Variants in PLCD1 observed in about 807,000 individuals in gnomAD.
PLCD1 encodes the protein phospholipase C delta 1, also known as 1-phosphatidylinositol 4,5-bisphosphate phosphodiesterase delta-1.
A neutral mutation model predicts 87.4 loss-of-function variants in PLCD1; 71 were observed. The observed-to-expected ratio is 0.81, with a 90% CI of 0.67 to 0.99. The LOEUF (loss-of-function observed/expected upper bound fraction) is 0.99. Among genes scored for constraint, PLCD1 ranks in the 50% least tolerant of loss-of-function variants. The pLI is 0.00. For synonymous variants in PLCD1, 348 were observed against 399.2 expected (o/e 0.87, Z 1.53); for missense variants, 867 against 1,001.5 (o/e 0.87, Z 1.81).
In PLCD1 at chr3:38,011,385, T is replaced by A; in HGVS notation, c.619A>T (p.Met207Leu). The change falls in exon 5 of 15, where the codon ATG (methionine) becomes TTG (leucine). Residue 207 changes from methionine to leucine, a missense_variant. Transcript: ENST00000334661. ...TCGATCTCCACCCGCTGGGTCAGCATCTTGTAGAAGGCCTCAATCTCCTCG... is the reference window on the plus strand; with the variant it reads ...TCGATCTCCACCCGCTGGGTCAGCAACTTGTAGAAGGCCTCAATCTCCTCG... ...EDEEIEAFYK[M>L]LTQRVEIDRT... The A allele has an allele frequency of 1.9e-6, 3 of 1,613,688 alleles. No individual in the cohort carries two copies. The highest frequency in any genetic ancestry group is 2.5e-6 in the Non-Finnish European group (3 of 1,180,040).
chr3:38,021,665 C>T (rs1559377356), intron 1 of PLCD1, among the ~76,000 whole-genome samples: 1 of 152,202 alleles, frequency 6.6e-6, no homozygotes, highest in Non-Finnish European at 1.5e-5. Flanking sequence ...CTATTGAGAG[C>T]CAATCGGCCA....
chr3:38,016,802 A>G, intron 2 of PLCD1, 83 bp from the exon 3 acceptor site: 1 of 967,112 alleles, frequency 1.0e-6, no homozygotes, highest in South Asian at 1.4e-5. Context: ...AGGCCACAGT[A>G]GAGAGGGGCA....
Position 38,020,049 on chromosome 3 carries a change from A to G in PLCD1, c.199+139T>C, listed in dbSNP as rs2073399. The G allele has an allele frequency of 0.71, 564,852 of 791,326 alleles. 204,339 individuals are homozygous for G. The highest frequency in any genetic ancestry group is 0.91 in the African/African-American group (54,306 of 59,414). The allele number at this position is 791,326 out of a possible 1,614,324, so 49.0% of individuals were successfully genotyped here. ...AGTTTCCCCACTGCCAGCCCAGGTTATATAAATGACCTATGCCCCACCAGG... is the reference window on the plus strand; with the variant it reads ...AGTTTCCCCACTGCCAGCCCAGGTTGTATAAATGACCTATGCCCCACCAGG... On this transcript the variant is annotated intron_variant, in intron 2 of 14. Coordinates refer to ENST00000334661, the MANE Select transcript of PLCD1 (RefSeq NM_006225.4).
chr3:38,017,561 AC>A lies in PLCD1; in HGVS notation c.200-843del, dbSNP rs1700177116. ...TTCAGGGAGATGCCAGGCCCTGTCT[AC>A]CCCCGCTTCCAATGTGCCCTCCATG... On this transcript the variant is annotated intron_variant, in intron 2 of 14. Coordinates refer to ENST00000334661, the MANE Select transcript of PLCD1 (RefSeq NM_006225.4). The surrounding 1 kb of genome is among the most constrained non-coding windows in gnomAD (Gnocchi z 4.7). Among the ~76,000 whole-genome samples the A allele has an allele frequency of 6.6e-6, 1 of 151,844 alleles. No homozygotes were observed. The highest frequency in any genetic ancestry group is 6.6e-5 in the Admixed American group (1 of 15,258).
chr3:38,009,820 G>T lies in PLCD1; in HGVS notation c.1288-9C>A. 1 of 1,613,796 alleles carries T rather than the reference G, an allele frequency of 6.2e-7. No individual in the cohort carries two copies. The highest frequency in any genetic ancestry group is 8.5e-7 in the Non-Finnish European group (1 of 1,179,988). On this transcript the variant is annotated splice_polypyrimidine_tract_variant and intron_variant, in intron 8 of 14. Transcript: ENST00000334661. ...ATCTTCCCCTTCAGTTGCTAGGTGG[G>T]GAGGGGCAACTGGTCAAGACACACC...
At chr3:38,014,774 C>T (rs1700130555) in intron 3 of PLCD1, 1 of 152,080 alleles carries the variant, frequency 6.6e-6, no homozygotes, top group African/African-American at 2.4e-5. Flanking sequence ...AGAGCTCTTA[C>T]AACTCAATAA....
In PLCD1 at chr3:38,008,589, C is replaced by T. The variant is rs1303222875; in HGVS notation, c.1771G>A (p.Gly591Ser). Residue 591 changes from glycine (G) to serine (S), a missense_variant, in exon 12 of 15, where the codon GGC becomes AGC. Coordinates refer to ENST00000334661, the MANE Select transcript of PLCD1 (RefSeq NM_006225.4). ...TPGPEMDVYQ[G>S]RFQDNGACGY... ...CAGGCCCCGTTGTCCTGGAAGCGGC[C>T]CTGGTACACGTCCATCTCTGGCCCA... is the stretch of plus-strand genomic sequence containing the variant. The T allele has an allele frequency of 4.3e-6, 7 of 1,614,186 alleles. No homozygotes were observed. Among genetic ancestry groups the T allele is most frequent in the Non-Finnish European group, 5.1e-6 (6 of 1,180,016 alleles).
intron 1 of PLCD1, among the ~76,000 whole-genome samples, chr3:38,021,553 G>GACCCCA (rs1339371688): frequency 4.6e-5 from 7 of 152,202 alleles, no homozygotes; most frequent in African/African-American, 1.7e-4. Context: ...TGATAAAAGT[G>GACCCCA]ACCCCAACCC....
In PLCD1 at chr3:38,008,153, T is replaced by C. The variant is rs1258871023; in HGVS notation, c.2046A>G (p.Pro682=). The part of the protein sequence containing the change: ...TAVITNNGFN[P]WWDTEFAFEV... ...CAAACGCAAACTCCGTGTCCCACCATGGGTTGAAACCTAGGGGGACAGGCA... is the reference window on the plus strand; with the variant it reads ...CAAACGCAAACTCCGTGTCCCACCACGGGTTGAAACCTAGGGGGACAGGCA... The change falls in exon 14 of 15, where the codon CCA becomes CCG. Residue 682 remains proline (P), a synonymous_variant. Transcript: ENST00000334661. The C allele has an allele frequency of 1.9e-6, 3 of 1,613,840 alleles. No homozygotes were observed. The highest frequency in any genetic ancestry group is 4.5e-5 in the East Asian group (2 of 44,846).
At chr3:38,019,699 G>A (rs1700205076) in intron 2 of PLCD1, among the ~76,000 whole-genome samples, 2 of 152,104 alleles carry the variant, frequency 1.3e-5, no homozygotes, top group Admixed American at 1.3e-4. Context: ...CTCTGTCTGT[G>A]TGTCCCAGTC....
chr3:38,023,044 C>G (rs977893629), intron 1 of PLCD1, among the ~76,000 whole-genome samples: 13 of 152,122 alleles, frequency 8.5e-5, no homozygotes, highest in Non-Finnish European at 1.6e-4. Context: ...GACCTTGCAG[C>G]CTGCCCAGGC....
intron 1 of PLCD1, chr3:38,024,006 C>T (rs1700270871): frequency 9.7e-6 from 3 of 310,626 alleles, no homozygotes; most frequent in Middle Eastern, 8.9e-4. Context: ...CAAACTCTTG[C>T]AGATCACCTC....
At chr3:38,024,994 C>T (rs993250491) in intron 1 of PLCD1, among the ~76,000 whole-genome samples, 7 of 152,282 alleles carry the variant, frequency 4.6e-5, no homozygotes, top group Admixed American at 1.3e-4. Flanking sequence ...GGAAGCAAAT[C>T]TGTGTCGAAG....
In PLCD1 at chr3:38,007,995, C is replaced by CCCTT; in HGVS notation, c.2185+15_2185+18dup. The CCCTT allele has an allele frequency of 6.2e-7, 1 of 1,614,118 alleles. No individual in the cohort carries two copies. The highest frequency in any genetic ancestry group is 1.1e-5 in the South Asian group (1 of 91,086). On this transcript the variant is annotated intron_variant, in intron 14 of 14. Coordinates refer to ENST00000334661, the MANE Select transcript of PLCD1 (RefSeq NM_006225.4). ...CCTGCTTCCCACCACCTTGGCCATC[C>CCCTT]CCTTCTCTTGACACTCACCTTGCTT... is the stretch of plus-strand genomic sequence containing the variant.
intron 1 of PLCD1, among the ~76,000 whole-genome samples, chr3:38,021,881 C>T (rs6599099): frequency 0.7 from 105,989 of 151,850 alleles, 37,530 homozygotes; most frequent in African/African-American, 0.82. Context: ...TTTATCCATA[C>T]CCCCTCCCCC....
rs1575348591 is a variant in PLCD1, at chr3:38,011,361, C to T, written c.643G>A (p.Asp215Asn). The T allele has an allele frequency of 1.2e-6, 2 of 1,612,968 alleles. No individual in the cohort carries two copies. Among genetic ancestry groups the T allele is most frequent in the Non-Finnish European group, 8.5e-7 (1 of 1,180,022 alleles). ...CCCGCGGCCTCGGCGAAGGTGCGGT[C>T]GATCTCCACCCGCTGGGTCAGCATC... The part of the protein sequence containing the change: ...YKMLTQRVEI[D>N]RTFAEAAGSG... Residue 215 changes from aspartate to asparagine, a missense_variant, in exon 5 of 15, where the codon GAC becomes AAC. By Grantham distance (23) the Asp-to-Asn change is conservative. Transcript: ENST00000334661.
intron 1 of PLCD1, among the ~76,000 whole-genome samples, 182 bp downstream of exon 1, chr3:38,029,324 G>A (rs1429680776): frequency 7.1e-6 from 1 of 140,416 alleles, no homozygotes; most frequent in Non-Finnish European, 1.5e-5. Context: ...GGTCGTGCCC[G>A]GCAGTCCCAC....
At chr3:38,011,909 G>A (rs1350374942) in intron 3 of PLCD1, among the ~76,000 whole-genome samples, 3 of 152,112 alleles carry the variant, frequency 2.0e-5, no homozygotes, top group Admixed American at 1.3e-4. Flanking sequence ...ACTACAAAAG[G>A]GCCCACTGTA....
chr3:38,008,017 G>A lies in PLCD1; in HGVS notation c.2182C>T (p.Gln728Ter). The change falls in exon 14 of 15, where the codon CAA becomes TAA. Residue 728 changes from glutamine (Q) to a stop codon, truncating the protein, a stop_gained. Coordinates refer to ENST00000334661, the MANE Select transcript of PLCD1 (RefSeq NM_006225.4). LOFTEE classifies it high-confidence loss of function. ...QSTIPLNSLK[Q>*]GYRHVHLMSK... ...ATCCCCTTCTCTTGACACTCACCTT[G>A]CTTGAGGCTGTTCAAGGGGATGGTA... 1 of 1,614,166 alleles carries A rather than the reference G, an allele frequency of 6.2e-7. No homozygotes were observed. Among genetic ancestry groups the A allele is most frequent in the Middle Eastern group, 1.7e-4 (1 of 6,058 alleles).
Sources: allele counts gnomAD v4.1 joint callset (sites outside exome capture counted in the v4.1 genomes callset), GRCh38; gene constraint gnomAD v4.1.1; non-coding constraint Gnocchi (gnomAD v3.1); transcripts MANE v1.5; gene names NCBI Gene and HGNC (gene_info 2026-07-23, HGNC 2026-07-21).